Variants in NMNAT3 observed in about 807,000 individuals in gnomAD.
The protein encoded by NMNAT3 is nicotinamide nucleotide adenylyltransferase 3.
In NMNAT3, 21 loss-of-function variants were observed where a neutral mutation model predicts 24.8. The observed-to-expected ratio is 0.85, with a 90% CI of 0.60 to 1.22. The LOEUF (loss-of-function observed/expected upper bound fraction) is 1.22. NMNAT3 is among the 50% of genes most tolerant of loss of function. The probability of loss-of-function intolerance (pLI) is 0.00; values close to 1 mark genes in which losing one functional copy is unlikely to be tolerated. For synonymous variants in NMNAT3, 136 were observed against 155.2 expected, an observed-to-expected ratio of 0.88 and a Z score of 0.92; for missense variants, 387 against 436.6, an observed-to-expected ratio of 0.89 and a Z score of 1.01.
chr3:139,627,581 A>T, intron 3 of NMNAT3, 35 bp downstream of exon 4: 1 of 1,281,508 alleles, frequency 7.8e-7, no homozygotes, highest in Non-Finnish European at 1.1e-6. Context: ...CTAACCCACC[A>T]GTTCTTCTGT....
intron 2 of NMNAT3, chr3:139,636,422 T>G (rs144645633): frequency 2.6e-5 from 4 of 152,152 alleles, no homozygotes; most frequent in African/African-American, 9.7e-5. Context: ...ATGGCTGAAA[T>G]GTGCAGCAGC....
At chr3:139,673,175 C>T (rs532752134) in intron 1 of NMNAT3, among the ~76,000 whole-genome samples, 2 of 152,274 alleles carry the variant, frequency 1.3e-5, no homozygotes, top group East Asian at 3.9e-4. Context: ...CTCTGTCACT[C>T]AGAAGGGAAA....
intron 3 of NMNAT3, among the ~76,000 whole-genome samples, chr3:139,624,731 G>A (rs1317205174): frequency 3.3e-5 from 5 of 152,204 alleles, no homozygotes; most frequent in African/African-American, 1.2e-4. Context: ...TTACGGGCAT[G>A]AGCCACCGCG....
At chr3:139,645,274 C>T (rs1241669829) in intron 1 of NMNAT3, among the ~76,000 whole-genome samples, 1 of 152,096 alleles carries the variant, frequency 6.6e-6, no homozygotes, top group African/African-American at 2.4e-5. Context: ...AGCAAAAGCA[C>T]CAATAGTTTC....
In NMNAT3 at chr3:139,578,927, C is replaced by G. The variant is rs1444659936; in HGVS notation, c.520G>C (p.Val174Leu). The change falls in exon 5 of 7, where the codon GTG (valine) becomes CTG (leucine). Residue 174 changes from valine (V) to leucine (L), a missense_variant. By Grantham distance (32) the Val-to-Leu change is conservative (BLOSUM62 1). Around this residue, in one of 3 missense-constraint regions of NMNAT3, gnomAD observed 323 missense variants for 345.2 expected, o/e 0.94. Coordinates refer to ENST00000643695, the MANE Select transcript of NMNAT3 (RefSeq NM_001320510.2). Reference sequence around the variant, plus strand: ...GCCTGCTCACTCTCCCAAGGGTCCACCCGGATCCAGTCGGATGTCTGCAGG... The same window carrying G: ...GCCTGCTCACTCTCCCAAGGGTCCAGCCGGATCCAGTCGGATGTCTGCAGG... 1 of 1,614,210 alleles carries G rather than the reference C, an allele frequency of 6.2e-7. No individual in the cohort carries two copies. Among genetic ancestry groups the G allele is most frequent in the Admixed American group, 1.7e-5 (1 of 60,032 alleles).
chr3:139,639,324 A>G (rs1420007425), intron 1 of NMNAT3, among the ~76,000 whole-genome samples: 2 of 152,180 alleles, frequency 1.3e-5, no homozygotes, highest in African/African-American at 2.4e-5. Context: ...GCAGTTCTCC[A>G]TGGGTTGCTT....
At chr3:139,595,834 G>A (rs991695029) in intron 3 of NMNAT3, among the ~76,000 whole-genome samples, 22 of 152,128 alleles carry the variant, frequency 1.4e-4, no homozygotes, top group Non-Finnish European at 2.6e-4. Flanking sequence ...AGAGTTAAAC[G>A]TTAGAGCTAA....
chr3:139,665,725 G>GAA (rs1553764405), intron 1 of NMNAT3, among the ~76,000 whole-genome samples: 2 of 139,658 alleles, frequency 1.4e-5, no homozygotes, highest in African/African-American at 5.4e-5. Context: ...ATTTGTAACA[G>GAA]GAGAGAGAGA....
intron 1 of NMNAT3, among the ~76,000 whole-genome samples, chr3:139,667,544 C>T (rs1363451113): frequency 6.6e-6 from 1 of 152,080 alleles, no homozygotes; most frequent in Non-Finnish European, 1.5e-5. Flanking sequence ...ATATTTGCTC[C>T]CATTCTCTAG....
intron 3 of NMNAT3, among the ~76,000 whole-genome samples, chr3:139,623,598 G>A (rs1165426575): frequency 6.6e-6 from 1 of 151,772 alleles, no homozygotes; most frequent in African/African-American, 2.4e-5. Flanking sequence ...TTGATTGATT[G>A]ATTGAGACAG....
At chr3:139,643,864 ATGTG>A (rs2108364193) in intron 1 of NMNAT3, among the ~76,000 whole-genome samples, 1 of 152,340 alleles carries the variant, frequency 6.6e-6, no homozygotes, top group Admixed American at 6.5e-5. Context: ...ATTTTATATT[ATGTG>A]TATTTTATCA....
At chr3:139,569,483 G>T (rs1462230509) in intron 6 of NMNAT3, 1 of 152,210 alleles carries the variant, frequency 6.6e-6, no homozygotes, top group East Asian at 1.9e-4. Context: ...GCTGGTACCA[G>T]TTGTTCCTTT....
chr3:139,659,646 T>A (rs2057353088), intron 1 of NMNAT3, among the ~76,000 whole-genome samples: 1 of 152,038 alleles, frequency 6.6e-6, no homozygotes, highest in African/African-American at 2.4e-5. Flanking sequence ...CATGCAGGTG[T>A]TTGAGGTGTG....
intron 1 of NMNAT3, among the ~76,000 whole-genome samples, chr3:139,675,135 T>TACACACACACACACAAACACACACAC (rs1553766849): frequency 0.095 from 14,026 of 148,186 alleles, 968 homozygotes; most frequent in African/African-American, 0.19. Flanking sequence ...CTTTTAAACA[T>TACACACACACACACAAACACACACAC]ACACACACAC....
chr3:139,618,831 C>A (rs973230155), intron 3 of NMNAT3, among the ~76,000 whole-genome samples: 3 of 152,096 alleles, frequency 2.0e-5, no homozygotes, highest in Non-Finnish European at 4.4e-5. Context: ...GTGGGTGATG[C>A]CTGGCTGTGC....
chr3:139,593,913 A>G (rs1325016160), intron 3 of NMNAT3, among the ~76,000 whole-genome samples: 1 of 146,832 alleles, frequency 6.8e-6, no homozygotes, highest in South Asian at 2.2e-4. Context: ...TAGAAAAGCA[A>G]GAGCAAACAC....
intron 3 of NMNAT3, among the ~76,000 whole-genome samples, chr3:139,584,789 A>G (rs146127024): frequency 0.011 from 1,699 of 152,300 alleles, 17 homozygotes; most frequent in Middle Eastern, 0.02. Flanking sequence ...TGCATATTCT[A>G]TGGTTGTCAA....
chr3:139,607,960 C>T (rs1038963784), intron 3 of NMNAT3, among the ~76,000 whole-genome samples: 12 of 152,180 alleles, frequency 7.9e-5, no homozygotes, highest in African/African-American at 2.9e-4. Context: ...TATACAGACA[C>T]ATCTATTCAA....
intron 3 of NMNAT3, among the ~76,000 whole-genome samples, chr3:139,592,711 G>A (rs1233325713): frequency 1.3e-5 from 2 of 150,786 alleles, no homozygotes; most frequent in African/African-American, 4.9e-5. Flanking sequence ...TTCATATCCA[G>A]CCAAACTAAG....
Sources: gnomAD v4.1 joint callset for allele counts (sites outside exome capture counted in the v4.1 genomes callset) on GRCh38, gnomAD v4.1.1 for gene constraint, gnomAD v4.1.1 regional missense constraint, MANE v1.5 for transcripts, NCBI Gene and HGNC (gene_info 2026-07-23, HGNC 2026-07-21) for gene names.